Variants in ZBTB8OS observed in about 807,000 individuals in gnomAD.
The protein encoded by ZBTB8OS is tRNA splicing ligase complex subunit 1.
ZBTB8OS carries 16 observed loss-of-function variants against 29.3 expected under a neutral mutation model. The observed-to-expected ratio is 0.55, with a 90% CI of 0.37 to 0.83. The LOEUF is 0.83. ZBTB8OS is among the 40% of genes least tolerant of loss of function. ZBTB8OS has a pLI of 0.00. For missense variants in ZBTB8OS, 160 were observed against 196.9 expected (o/e 0.81, Z 1.12); for synonymous variants, 70 against 64.6 (o/e 1.08, Z -0.40).
At chr1:32,627,611 G>A in intron 5 of ZBTB8OS, 67 bp from the exon 6 acceptor site, 1 of 1,491,304 alleles carries the variant, frequency 6.7e-7, no homozygotes, top group South Asian at 1.2e-5. Context: ...AATAAGCCTT[G>A]TAAATGTGGT....
chr1:32,644,616 T>C (rs1450094170), intron 1 of ZBTB8OS, among the ~76,000 whole-genome samples: 1 of 148,272 alleles, frequency 6.7e-6, no homozygotes, highest in African/African-American at 2.5e-5. Context: ...CACTGCAACC[T>C]TGAACGCCTG....
At chr1:32,625,753 T>A (rs987621382) in intron 6 of ZBTB8OS, among the ~76,000 whole-genome samples, 1 of 152,152 alleles carries the variant, frequency 6.6e-6, no homozygotes, top group Non-Finnish European at 1.5e-5. Flanking sequence ...TTGCTCACAA[T>A]CCATTCTGAA....
At chr1:32,637,407 C>CA (rs35960336) in intron 1 of ZBTB8OS, among the ~76,000 whole-genome samples, 101 of 143,698 alleles carry the variant, frequency 7.0e-4, no homozygotes, top group Admixed American at 1.9e-3. Context: ...ACTAATAATA[C>CA]AAAAAAAAAA....
At chr1:32,630,910 G>C (rs750557209) in intron 5 of ZBTB8OS, among the ~76,000 whole-genome samples, 4 of 152,118 alleles carry the variant, frequency 2.6e-5, no homozygotes, top group Non-Finnish European at 4.4e-5. Context: ...CTACTCGGGA[G>C]GCTGAGGCAG....
intron 5 of ZBTB8OS, among the ~76,000 whole-genome samples, chr1:32,629,749 C>CTTTTT (rs869185319): frequency 6.1e-5 from 7 of 114,128 alleles, no homozygotes; most frequent in Non-Finnish European, 9.3e-5. Context: ...ATGCTTGTTT[C>CTTTTT]TTTTTTTTTT....
chr1:32,624,126 T>C (rs1644937322), intron 6 of ZBTB8OS, among the ~76,000 whole-genome samples: 1 of 152,238 alleles, frequency 6.6e-6, no homozygotes, highest in East Asian at 1.9e-4. Flanking sequence ...TCCCCAGCCA[T>C]GCTGAACTAT....
intron 1 of ZBTB8OS, among the ~76,000 whole-genome samples, chr1:32,640,541 G>C (rs1646314329): frequency 6.6e-6 from 1 of 152,056 alleles, no homozygotes; most frequent in Admixed American, 6.6e-5. Context: ...TTGAGACGGA[G>C]TCTCACTCCG....
Position 32,633,743 on chromosome 1 carries a change from T to C in ZBTB8OS, c.245-16A>G, listed in dbSNP as rs762111423. The C allele has an allele frequency of 3.8e-6, 6 of 1,564,354 alleles. No individual in the cohort carries two copies. The highest frequency in any genetic ancestry group is 1.2e-5 in the South Asian group (1 of 84,674). Reference sequence around the variant, plus strand: ...AAGTCATCTCCTACACAAGATCAAATAGTATATTTAATAATTCTGGTCTCT... The same window carrying C: ...AAGTCATCTCCTACACAAGATCAAACAGTATATTTAATAATTCTGGTCTCT... On this transcript the variant is annotated splice_polypyrimidine_tract_variant and intron_variant, in intron 3 of 6. Transcript: ENST00000468695.
intron 1 of ZBTB8OS, among the ~76,000 whole-genome samples, chr1:32,647,454 A>AAAAG (rs1557827662): frequency 1.6e-4 from 24 of 149,608 alleles, no homozygotes; most frequent in African/African-American, 5.9e-4. Context: ...AAAAAAAAAG[A>AAAAG]AAAGAAAGAA....
intron 6 of ZBTB8OS, among the ~76,000 whole-genome samples, chr1:32,626,841 G>C (rs1452445026): frequency 1.3e-5 from 2 of 152,136 alleles, no homozygotes; most frequent in Non-Finnish European, 2.9e-5. Context: ...GAGCCACCAT[G>C]CCTGCCCTGA....
chr1:32,650,340 G>C (rs1263098587), intron 1 of ZBTB8OS, 93 bp downstream of exon 1: 1 of 1,518,166 alleles, frequency 6.6e-7, no homozygotes, highest in South Asian at 1.2e-5. Flanking sequence ...AGTACCCATG[G>C]GGCACAGTAG....
intron 6 of ZBTB8OS, among the ~76,000 whole-genome samples, chr1:32,624,143 ATTAAGCCCCTTTCCT>A (rs1156520340): frequency 1.3e-5 from 2 of 152,220 alleles, no homozygotes; most frequent in African/African-American, 4.8e-5. Flanking sequence ...CTATGAATCA[ATTAAGCCCCTTTCCT>A]TTATAAATTA....
intron 5 of ZBTB8OS, among the ~76,000 whole-genome samples, chr1:32,631,317 T>C (rs1645536502): frequency 6.9e-6 from 1 of 144,894 alleles, no homozygotes; most frequent in East Asian, 2.0e-4. Context: ...ACCACACCAC[T>C]GTACTCCAGC....
intron 5 of ZBTB8OS, among the ~76,000 whole-genome samples, chr1:32,630,729 G>A (rs1557764041): frequency 6.6e-6 from 1 of 151,966 alleles, no homozygotes; most frequent in Non-Finnish European, 1.5e-5. Context: ...AAATAAATGA[G>A]GCCGGGCACA....
At chr1:32,638,670 T>C (rs1228539958) in intron 1 of ZBTB8OS, among the ~76,000 whole-genome samples, 1 of 151,966 alleles carries the variant, frequency 6.6e-6, no homozygotes, top group Non-Finnish European at 1.5e-5. Context: ...CTCAGCAGTT[T>C]GGGAGGCCAA....
chr1:32,643,683 G>C (rs1646611895), intron 1 of ZBTB8OS, among the ~76,000 whole-genome samples: 1 of 151,954 alleles, frequency 6.6e-6, no homozygotes. Context: ...TTTTAGTAGA[G>C]AGGGGGTTTC....
At chr1:32,642,665 T>G (rs61798933) in intron 1 of ZBTB8OS, among the ~76,000 whole-genome samples, 1 of 145,260 alleles carries the variant, frequency 6.9e-6, no homozygotes. Flanking sequence ...AACATTTGTC[T>G]TCTATTGTCT....
At chr1:32,627,568 G>T in intron 5 of ZBTB8OS, 24 bp from the exon 6 acceptor site, 1 of 1,607,280 alleles carries the variant, frequency 6.2e-7, no homozygotes, top group African/African-American at 1.3e-5. Flanking sequence ...ATTAAAACAT[G>T]ATTAAGATTT....
chr1:32,627,804 A>T, intron 5 of ZBTB8OS: 1 of 462,516 alleles, frequency 2.2e-6, no homozygotes, highest in Non-Finnish European at 3.9e-6. Context: ...CCGGAGGCCA[A>T]AGGGAGGATC....
Sources: allele counts gnomAD v4.1 joint callset (sites outside exome capture counted in the v4.1 genomes callset), GRCh38; gene constraint gnomAD v4.1.1; transcripts MANE v1.5; gene names NCBI Gene and HGNC (gene_info 2026-07-23, HGNC 2026-07-21).